C3: variants seen among roughly 807,000 people sequenced by gnomAD.
C3 encodes the protein C3 and PZP-like alpha-2-macroglobulin domain-containing protein 1.
In C3, 97 loss-of-function variants were observed where a neutral mutation model predicts 207.9. The observed-to-expected ratio is 0.47, with a 90% CI of 0.40 to 0.55. The LOEUF (loss-of-function observed/expected upper bound fraction) is 0.55, where lower values mean the gene tolerates loss of function less well. Among genes scored for constraint, C3 ranks in the 20% least tolerant of loss-of-function variants. C3 has a pLI of 0.00. For synonymous variants in C3, 848 were observed against 857.6 expected (o/e 0.99, Z 0.20); for missense variants, 1,684 against 2,171.7 (o/e 0.78, Z 4.46).
At chr19:6,701,978 C>A in intron 19 of C3, 149 bp downstream of exon 19, 1 of 679,604 alleles carries the variant, frequency 1.5e-6, no homozygotes, top group Non-Finnish European at 2.7e-6. Flanking sequence ...AGGATTCCCA[C>A]AGTTCCTGGT....
At chr19:6,686,585 C>A (rs545587664) in intron 28 of C3, 161 bp downstream of exon 28, 1 of 852,784 alleles carries the variant, frequency 1.2e-6, no homozygotes, top group Non-Finnish European at 2.0e-6. Flanking sequence ...CAGCTCAGCT[C>A]AGGGTTATGC....
At chr19:6,716,668 T>C (rs888283638) in intron 4 of C3, 1 of 152,226 alleles carries the variant, frequency 6.6e-6, no homozygotes, top group Non-Finnish European at 1.5e-5. Flanking sequence ...TGTGCTGAGT[T>C]CAGGTGACAA....
At position 6,702,509 on chromosome 19, in the gene C3, C is replaced by T. The variant is rs1967696990; in HGVS notation, c.2316G>A (p.Leu772=). Residue 772 remains leucine (L), a synonymous_variant, in exon 18 of 41, where the codon CTG becomes CTA. Coordinates refer to ENST00000245907, the MANE Select transcript of C3 (RefSeq NM_000064.4). ...GCTCTTTCAAGTCCTCAACGTTCCACAGCCAGCTCTCTGGGAACTCACTTC... is the reference window on the plus strand; with the variant it reads ...GCTCTTTCAAGTCCTCAACGTTCCATAGCCAGCTCTCTGGGAACTCACTTC... ...VSRSEFPESW[L]WNVEDLKEPP... 6.2e-7 allele frequency: 1 copy of T among 1,614,144 alleles called. No individual in the cohort carries two copies. The highest frequency in any genetic ancestry group is 1.1e-5 in the South Asian group (1 of 91,088).
chr19:6,701,854 T>A (rs545173343), intron 19 of C3, among the ~76,000 whole-genome samples: 2 of 152,294 alleles, frequency 1.3e-5, no homozygotes, highest in East Asian at 3.9e-4. Context: ...TTGCTACTAC[T>A]ATTTTTCCAG....
chr19:6,695,931 C>T (rs965690484), intron 23 of C3, among the ~76,000 whole-genome samples: 7 of 151,882 alleles, frequency 4.6e-5, no homozygotes, highest in African/African-American at 7.3e-5. Flanking sequence ...ATTTTTAGGC[C>T]GGGCATAATG....
chr19:6,681,561 C>G (rs943024234), intron 35 of C3, among the ~76,000 whole-genome samples: 3 of 151,374 alleles, frequency 2.0e-5, no homozygotes, highest in African/African-American at 7.3e-5. Context: ...AGAAAGAAAA[C>G]AACAGAAGAG....
At chr19:6,693,508 C>G in intron 24 of C3, 21 bp from the exon 25 acceptor site, 1 of 1,606,222 alleles carries the variant, frequency 6.2e-7, no homozygotes, top group South Asian at 1.1e-5. Flanking sequence ...GAGAGAGGAA[C>G]CCCCAAAAGA....
intron 29 of C3, among the ~76,000 whole-genome samples, chr19:6,685,433 G>A (rs1170764775): frequency 2.0e-5 from 3 of 152,186 alleles, no homozygotes; most frequent in Non-Finnish European, 4.4e-5. Flanking sequence ...TGAGGATGCA[G>A]TCTAGACCCA....
rs891684330 is a variant in C3 at position 6,717,678 on chromosome 19, TTGTG to T, written c.504+412_504+415del. On this transcript the variant is annotated intron_variant, in intron 4 of 40. Coordinates refer to ENST00000245907, the MANE Select transcript of C3 (RefSeq NM_000064.4). ...GTGTGGTTATGTATGTTGTGTTGTG[TTGTG>T]TGTGTTTTGTGTGTATTGCGTGGTT... The T allele has an allele frequency of 5.5e-5, 19 of 347,984 alleles. 1 individual carries two copies. Among genetic ancestry groups the T allele is most frequent in the Admixed American group, 4.6e-4 (11 of 24,164 alleles). 21.6% of individuals were successfully genotyped at this position (347,984 alleles called of 1,614,324 possible). A position where few individuals can be genotyped will look rare whatever the true frequency, so the allele number is the denominator to read the frequency against.
intron 27 of C3, among the ~76,000 whole-genome samples, chr19:6,687,850 TTTG>T (rs1295026384): frequency 6.6e-6 from 1 of 151,384 alleles, no homozygotes; most frequent in Non-Finnish European, 1.5e-5. Flanking sequence ...GGTTGGGTTT[TTTG>T]TTGTTGCTTT....
In C3 at chr19:6,707,066, T is replaced by A; in HGVS notation, c.2245+10A>T. 1 of 1,389,848 alleles carries A rather than the reference T, an allele frequency of 7.2e-7. No homozygotes were observed. The highest frequency in any genetic ancestry group is 9.6e-7 in the Non-Finnish European group (1 of 1,038,318). 86.1% of individuals were successfully genotyped at this position (1,389,848 alleles called of 1,614,324 possible). Reference sequence around the variant, plus strand: ...GCCCCCTCCCCCTGTCCCCACCCCGTGGGACCTACTCCTGGCCAGGCCCAG... The same window carrying A: ...GCCCCCTCCCCCTGTCCCCACCCCGAGGGACCTACTCCTGGCCAGGCCCAG... On this transcript the variant is annotated intron_variant, in intron 17 of 40. Transcript: ENST00000245907.
intron 14 of C3, among the ~76,000 whole-genome samples, chr19:6,709,203 C>G (rs576958089): frequency 1.3e-4 from 20 of 152,114 alleles, no homozygotes; most frequent in African/African-American, 4.3e-4. Flanking sequence ...AATCCCAACA[C>G]TTTGGGAGGT....
chr19:6,709,611 T>TGCCCCCCCCCCCCCCCCC, intron 14 of C3, 73 bp downstream of exon 14: 3 of 1,109,430 alleles, frequency 2.7e-6, no homozygotes, highest in Non-Finnish European at 4.1e-6. Context: ...CCCTCTCCAG[T>TGCCCCCCCCCCCCCCCCC]CCCACCCACC....
rs1405561676 is a variant in C3 at position 6,678,202 on chromosome 19, T to A, written c.4800A>T (p.Lys1600Asn). Residue 1600 changes from lysine (K) to asparagine (N), a missense_variant, in exon 40 of 41, where the codon AAA becomes AAT. Lys to Asn is a moderately conservative substitution (Grantham distance 94, BLOSUM62 0). Transcript: ENST00000245907. ...AGGAGAGACCCCACATGAGGTAGTG[T>A]TTCTTCTCCTCCAGCTTCAGGGCTT... Reference protein sequence around the residue: ...CREALKLEEKKHYLMWGLSSD... With the variant: ...CREALKLEEKNHYLMWGLSSD... 1.9e-6 allele frequency: 3 copies of A among 1,614,064 alleles called. No individual in the cohort carries two copies. The highest frequency in any genetic ancestry group is 1.6e-4 in the Middle Eastern group (1 of 6,084).
chr19:6,713,657 AC>A, intron 7 of C3, 148 bp from the exon 8 acceptor site: 1 of 195,132 alleles, frequency 5.1e-6, no homozygotes, highest in Non-Finnish European at 9.0e-6. Context: ...ACCTGGCCCC[AC>A]CCCCAGCCCC....
At chr19:6,705,847 C>T (rs534895655) in intron 17 of C3, among the ~76,000 whole-genome samples, 1 of 151,814 alleles carries the variant, frequency 6.6e-6, no homozygotes, top group East Asian at 1.9e-4. Flanking sequence ...GCTATTTTTG[C>T]ATTTTTAGTA....
chr19:6,686,540 A>G (rs573669744), intron 28 of C3: 237 of 740,014 alleles, frequency 3.2e-4, no homozygotes, highest in Non-Finnish European at 5.0e-4. Context: ...TGTGGTTTAC[A>G]ATGAGGACCT....
rs761815948 is a variant in C3, at chr19:6,718,434, T to A, written c.268-22A>T. On this transcript the variant is annotated intron_variant, in intron 2 of 40. Coordinates refer to ENST00000245907, the MANE Select transcript of C3 (RefSeq NM_000064.4). ...GGATCTAGGCGTGGGCAGGGCATTG[T>A]CAGGGGTCTGTTCCAAGGCCCCATG... The A allele has an allele frequency of 1.9e-6, 3 of 1,614,142 alleles. No individual in the cohort carries two copies. The Admixed American group carries it at 5.0e-5, about 27-fold the overall frequency.
chr19:6,679,619 A>G, intron 36 of C3, 123 bp from the exon 37 acceptor site: 1 of 750,972 alleles, frequency 1.3e-6, no homozygotes, highest in Non-Finnish European at 2.4e-6. Flanking sequence ...TCAACCCCTC[A>G]GATCCCTCAG....
Sources: gnomAD v4.1 joint callset for allele counts (sites outside exome capture counted in the v4.1 genomes callset) on GRCh38, gnomAD v4.1.1 for gene constraint, MANE v1.5 for transcripts, NCBI Gene and HGNC (gene_info 2026-07-23, HGNC 2026-07-21) for gene names.